The following ALPK1 variants were observed in gnomAD, a reference collection of about 807,000 sequenced individuals.
The protein encoded by ALPK1 is alpha-protein kinase 1.
ALPK1 carries 110 observed loss-of-function variants against 120.6 expected under a neutral mutation model. The observed-to-expected ratio is 0.91, with a 90% CI of 0.78 to 1.07. The LOEUF (loss-of-function observed/expected upper bound fraction) is 1.07. Ranked by LOEUF, ALPK1 falls within the 50% of genes least tolerant of loss-of-function variation. The pLI is 0.00. For synonymous variants in ALPK1, 582 were observed against 560.3 expected (o/e 1.04, Z -0.55); for missense variants, 1,498 against 1,483.9 (o/e 1.01, Z -0.16).
intron 3 of ALPK1, among the ~76,000 whole-genome samples, chr4:112,379,434 C>A (rs1731805943): frequency 6.6e-6 from 1 of 152,248 alleles, no homozygotes; most frequent in African/African-American, 2.4e-5. Flanking sequence ...CGGGGAAGGA[C>A]GCCTCCTAAG....
intron 2 of ALPK1, among the ~76,000 whole-genome samples, chr4:112,345,900 G>T (rs1243124510): frequency 1.3e-5 from 2 of 152,146 alleles, no homozygotes; most frequent in African/African-American, 4.8e-5. Context: ...TTTCACTCTT[G>T]TTGCCCAGGC....
intron 2 of ALPK1, chr4:112,358,092 TA>T: frequency 3.4e-6 from 2 of 586,530 alleles, no homozygotes; most frequent in African/African-American, 1.8e-5. Flanking sequence ...TGGTTGTCCT[TA>T]AGATGCGAGA....
At chr4:112,312,956 C>T (rs1728473865) in intron 1 of ALPK1, among the ~76,000 whole-genome samples, 1 of 152,204 alleles carries the variant, frequency 6.6e-6, no homozygotes, top group Admixed American at 6.5e-5. Context: ...CCGGTAACCC[C>T]AACTGCTCCT....
At chr4:112,351,050 G>A (rs1049742212) in intron 2 of ALPK1, among the ~76,000 whole-genome samples, 1 of 152,182 alleles carries the variant, frequency 6.6e-6, no homozygotes, top group South Asian at 2.1e-4. Flanking sequence ...CTGAGATGTC[G>A]CTCTTCCAGC....
At chr4:112,435,340 A>C in intron 12 of ALPK1, 39 bp downstream of exon 12, 1 of 1,574,454 alleles carries the variant, frequency 6.4e-7, no homozygotes, top group Non-Finnish European at 8.6e-7. Flanking sequence ...ATGTAAGATG[A>C]GCTAACCTTG....
intron 4 of ALPK1, among the ~76,000 whole-genome samples, chr4:112,401,256 T>C (rs1732901582): frequency 1.3e-5 from 2 of 152,178 alleles, no homozygotes; most frequent in Non-Finnish European, 2.9e-5. Flanking sequence ...ATGACATTTA[T>C]GCACTATGGA....
chr4:112,413,489 A>T (rs1029240733), intron 5 of ALPK1, among the ~76,000 whole-genome samples: 1 of 152,108 alleles, frequency 6.6e-6, no homozygotes, highest in Non-Finnish European at 1.5e-5. Flanking sequence ...CCTGATCACA[A>T]CCCACTGCAG....
intron 2 of ALPK1, among the ~76,000 whole-genome samples, chr4:112,337,076 C>T (rs1729651217): frequency 6.6e-6 from 1 of 151,918 alleles, no homozygotes; most frequent in Admixed American, 6.6e-5. Context: ...TATTCCTTTT[C>T]CCATTCTGAA....
chr4:112,414,138 TG>T, intron 5 of ALPK1: 1 of 399,108 alleles, frequency 2.5e-6, no homozygotes, highest in Non-Finnish European at 5.3e-6. Flanking sequence ...TTAGGAATCG[TG>T]GGGTGGAGAA....
At chr4:112,413,298 T>C (rs1175425554) in intron 5 of ALPK1, among the ~76,000 whole-genome samples, 3 of 152,236 alleles carry the variant, frequency 2.0e-5, no homozygotes, top group Non-Finnish European at 4.4e-5. Flanking sequence ...AGAGTTAATG[T>C]AGCATATTTT....
At chr4:112,411,482 C>T (rs1408178057) in intron 4 of ALPK1, among the ~76,000 whole-genome samples, 1 of 152,210 alleles carries the variant, frequency 6.6e-6, no homozygotes, top group Non-Finnish European at 1.5e-5. Flanking sequence ...GCCTCGGCCT[C>T]CCAAAATGCT....
rs571184974 is a variant in ALPK1 at position 112,355,978 on chromosome 4, G to A, written c.-100-21700G>A. On this transcript the variant is annotated intron_variant, in intron 2 of 15. Coordinates refer to ENST00000650871, the MANE Select transcript of ALPK1 (RefSeq NM_025144.4). Reference sequence around the variant, plus strand: ...GACAAGAGAGGAGCCTGTGCCATAGGGATTCTAGAAGAGAACAGCGTTGTG... The same window carrying A: ...GACAAGAGAGGAGCCTGTGCCATAGAGATTCTAGAAGAGAACAGCGTTGTG... Among the ~76,000 whole-genome samples the A allele has an allele frequency of 1.4e-4, 22 of 152,352 alleles. No homozygotes were observed. In the South Asian group the frequency reaches 4.6e-3, roughly 32 times the overall value.
At position 112,439,845 on chromosome 4, in the gene ALPK1, C is replaced by T; in HGVS notation, c.3511C>T (p.His1171Tyr). The T allele has an allele frequency of 6.2e-7, 1 of 1,609,936 alleles. No homozygotes were observed. Among genetic ancestry groups the T allele is most frequent in the Non-Finnish European group, 8.5e-7 (1 of 1,179,032 alleles). Residue 1171 changes from histidine (H) to tyrosine (Y), a missense_variant, in exon 14 of 16, where the codon CAT (histidine) becomes TAT (tyrosine). Transcript: ENST00000650871. ...YGHFSYEFSN[H>Y]RDVVVDLQGW... Reference sequence around the variant, plus strand: ...CCATTTTTCTTATGAGTTTTCTAATCATAGAGATGTTGTGGTCGATTTACA... The same window carrying T: ...CCATTTTTCTTATGAGTTTTCTAATTATAGAGATGTTGTGGTCGATTTACA...
At chr4:112,423,632 G>A (rs568591939) in intron 5 of ALPK1, 138 of 479,104 alleles carry the variant, frequency 2.9e-4, no homozygotes, top group Non-Finnish European at 4.6e-4. Context: ...ACAGGGAGGC[G>A]GCACAGCCTG....
intron 2 of ALPK1, among the ~76,000 whole-genome samples, chr4:112,366,310 G>A (rs185445120): frequency 1.1e-4 from 17 of 151,382 alleles, no homozygotes; most frequent in South Asian, 2.1e-4. Context: ...TCCAACAAGG[G>A]ACTAATTTCC....
At chr4:112,435,015 A>G (rs1358289223) in intron 11 of ALPK1, 133 bp from the exon 12 acceptor site, 1 of 844,296 alleles carries the variant, frequency 1.2e-6, no homozygotes, top group East Asian at 2.5e-5. Flanking sequence ...GAAGAGATGA[A>G]AATTAGAGAA....
chr4:112,310,965 GC>G (rs1271730732), intron 1 of ALPK1, among the ~76,000 whole-genome samples: 2 of 151,302 alleles, frequency 1.3e-5, no homozygotes, highest in Admixed American at 6.6e-5. Flanking sequence ...AAAGACTTTA[GC>G]AAAAATCTCC....
Position 112,431,247 on chromosome 4 carries a change from G to A in ALPK1, c.1700G>A (p.Gly567Glu), listed in dbSNP as rs1390212559. Residue 567 changes from glycine (G) to glutamate (E), a missense_variant, in exon 11 of 16, where the codon GGA becomes GAA. Coordinates refer to ENST00000650871, the MANE Select transcript of ALPK1 (RefSeq NM_025144.4). ...CCATCGGACTACAGCAATGGTGAGGGAGCTGTTTTCAACAAGTCTCTGAGT... is the reference window on the plus strand; with the variant it reads ...CCATCGGACTACAGCAATGGTGAGGAAGCTGTTTTCAACAAGTCTCTGAGT... ...TEPSDYSNGE[G>E]AVFNKSLSGS... 1 of 1,614,162 alleles carries A rather than the reference G, an allele frequency of 6.2e-7. No homozygotes were observed. The highest frequency in any genetic ancestry group is 1.1e-5 in the South Asian group (1 of 91,076).
intron 2 of ALPK1, among the ~76,000 whole-genome samples, chr4:112,349,555 C>CCCA (rs568997521): frequency 2.8e-5 from 4 of 142,678 alleles, no homozygotes; most frequent in African/African-American, 8.0e-5. Flanking sequence ...ACCCCTGCCC[C>CCCA]CCCCCGCTTT....
Sources: gnomAD v4.1 joint callset for allele counts (sites outside exome capture counted in the v4.1 genomes callset) on GRCh38, gnomAD v4.1.1 for gene constraint, MANE v1.5 for transcripts, NCBI Gene and HGNC (gene_info 2026-07-23, HGNC 2026-07-21) for gene names.